MACROD2: variants seen among roughly 807,000 people sequenced by gnomAD.
The protein encoded by MACROD2 is mono-ADP ribosylhydrolase 2, also known as ADP-ribose glycohydrolase MACROD2.
Under a neutral mutation model 70.4 loss-of-function variants are expected in MACROD2, and 36 were observed. The observed-to-expected ratio is 0.51, with a 90% CI of 0.39 to 0.68. MACROD2 has a LOEUF of 0.68. Ranked by LOEUF, MACROD2 falls within the 30% of genes least tolerant of loss-of-function variation. MACROD2 has a pLI of 0.00. For missense variants in MACROD2, 496 were observed against 538.4 expected, an observed-to-expected ratio of 0.92 and a Z score of 0.78; for synonymous variants, 172 against 178.8, an observed-to-expected ratio of 0.96 and a Z score of 0.30.
At chr20:14,778,201 T>C (rs952200218) in intron 5 of MACROD2, among the ~76,000 whole-genome samples, 1 of 152,072 alleles carries the variant, frequency 6.6e-6, no homozygotes, top group Non-Finnish European at 1.5e-5. Flanking sequence ...AGAGAAGTAA[T>C]AGGGAAGTAG....
At chr20:14,145,386 C>A (rs2054931742) in intron 3 of MACROD2, among the ~76,000 whole-genome samples, 1 of 152,082 alleles carries the variant, frequency 6.6e-6, no homozygotes, top group African/African-American at 2.4e-5. Flanking sequence ...TGCCCCAGCC[C>A]ACAGTTGGAG....
chr20:15,663,781 T>C (rs955264298), intron 8 of MACROD2, among the ~76,000 whole-genome samples: 2 of 152,052 alleles, frequency 1.3e-5, no homozygotes, highest in African/African-American at 4.8e-5. Context: ...ACAGAACGAG[T>C]AGCATTTTCT....
At chr20:14,595,785 A>ACTT (rs1264630590) in intron 4 of MACROD2, among the ~76,000 whole-genome samples, 8 of 152,296 alleles carry the variant, frequency 5.3e-5, no homozygotes, top group Non-Finnish European at 8.8e-5. Context: ...CTGTTAAAAT[A>ACTT]CTGTTCTGTT....
chr20:15,541,436 C>T (rs1448952330), intron 8 of MACROD2, among the ~76,000 whole-genome samples: 1 of 152,112 alleles, frequency 6.6e-6, no homozygotes, highest in Non-Finnish European at 1.5e-5. Flanking sequence ...ATTTCAACAG[C>T]TTGGTATTCG....
intron 5 of MACROD2, among the ~76,000 whole-genome samples, chr20:15,135,095 C>T (rs2076136536): frequency 6.6e-6 from 1 of 151,802 alleles, no homozygotes; most frequent in Admixed American, 6.6e-5. Context: ...CAAAAAGAGT[C>T]CAGGACCAGA....
chr20:15,499,952 C>A lies in MACROD2; in HGVS notation c.645+105C>A. On this transcript the variant is annotated intron_variant, in intron 8 of 17. Transcript: ENST00000684519. The stretch of plus-strand genomic sequence containing the variant: ...TTTATAAATATCAACTACACCTAGT[C>A]ATTGAGCCAAACCTAGCTGACCATT... The A allele has an allele frequency of 2.4e-5, 25 of 1,042,100 alleles. No homozygotes were observed. In the South Asian group the frequency reaches 3.1e-4, roughly 13 times the overall value. The allele number at this position is 1,042,100 out of a possible 1,614,324, so 64.6% of individuals were successfully genotyped here.
chr20:15,559,252 A>AC (rs1407572652), intron 8 of MACROD2, among the ~76,000 whole-genome samples: 1 of 147,528 alleles, frequency 6.8e-6, no homozygotes, highest in Non-Finnish European at 1.5e-5. Flanking sequence ...AAAAAAAAAA[A>AC]GATTCTCAGG....
chr20:14,470,088 G>C (rs938009844), intron 3 of MACROD2, among the ~76,000 whole-genome samples: 7 of 152,072 alleles, frequency 4.6e-5, no homozygotes, highest in African/African-American at 1.4e-4. Flanking sequence ...GGTCTTTGCT[G>C]TTGGTGACCT....
chr20:15,216,588 A>G (rs1214233995), intron 5 of MACROD2, among the ~76,000 whole-genome samples: 1 of 152,220 alleles, frequency 6.6e-6, no homozygotes, highest in Non-Finnish European at 1.5e-5. Flanking sequence ...GAGTAGTATT[A>G]CGGAAGTCTC....
intron 8 of MACROD2, among the ~76,000 whole-genome samples, chr20:15,587,773 G>A (rs561468220): frequency 6.6e-6 from 1 of 152,340 alleles, no homozygotes; most frequent in Non-Finnish European, 1.5e-5. Context: ...GATGCAAGAG[G>A]TGGGTTCCCA....
intron 8 of MACROD2, among the ~76,000 whole-genome samples, chr20:15,850,263 C>T (rs939701306): frequency 6.6e-6 from 1 of 152,110 alleles, no homozygotes; most frequent in South Asian, 2.1e-4. Flanking sequence ...TCTGGGATCT[C>T]TCCCCCAAGG....
intron 3 of MACROD2, among the ~76,000 whole-genome samples, chr20:14,479,244 G>A (rs1416854506): frequency 1.3e-5 from 2 of 152,142 alleles, no homozygotes; most frequent in Non-Finnish European, 2.9e-5. Flanking sequence ...GTGTCCCTTG[G>A]TGTTGGAGAG....
At chr20:15,176,134 C>T (rs969181381) in intron 5 of MACROD2, among the ~76,000 whole-genome samples, 15 of 152,212 alleles carry the variant, frequency 9.9e-5, no homozygotes, top group African/African-American at 3.6e-4. Flanking sequence ...GCTGCCTTGG[C>T]CCCCTCTAGA....
At chr20:15,353,477 G>A (rs1278599618) in intron 6 of MACROD2, among the ~76,000 whole-genome samples, 4 of 151,932 alleles carry the variant, frequency 2.6e-5, no homozygotes, top group Non-Finnish European at 5.9e-5. Flanking sequence ...CAAAAGCAAT[G>A]GCAACAAAAG....
intron 8 of MACROD2, among the ~76,000 whole-genome samples, chr20:15,546,805 C>T (rs979200291): frequency 1.7e-4 from 26 of 152,276 alleles, no homozygotes; most frequent in African/African-American, 4.6e-4. Flanking sequence ...TACCACGTGA[C>T]GCTTGACATC....
At chr20:14,348,284 A>G (rs2083084688) in intron 3 of MACROD2, among the ~76,000 whole-genome samples, 1 of 145,042 alleles carries the variant, frequency 6.9e-6, no homozygotes. Flanking sequence ...AAAAAAAATA[A>G]ATAAAATAAA....
intron 3 of MACROD2, chr20:14,127,389 C>T (rs1412071786): frequency 1.4e-5 from 6 of 417,738 alleles, no homozygotes; most frequent in African/African-American, 4.2e-5. Flanking sequence ...CTCAGAACCC[C>T]TTTCCACTGC....
At chr20:14,823,076 C>T (rs999134031) in intron 5 of MACROD2, among the ~76,000 whole-genome samples, 8 of 152,030 alleles carry the variant, frequency 5.3e-5, no homozygotes, top group African/African-American at 1.9e-4. Flanking sequence ...CCCTGTTCAG[C>T]AGTTATAGAG....
At chr20:15,209,386 C>A (rs1357672778) in intron 5 of MACROD2, among the ~76,000 whole-genome samples, 1 of 151,896 alleles carries the variant, frequency 6.6e-6, no homozygotes, top group East Asian at 1.9e-4. Flanking sequence ...TAGTCCAGAG[C>A]TAGATATTTT....
Sources: gnomAD v4.1 joint callset for allele counts (sites outside exome capture counted in the v4.1 genomes callset) on GRCh38, gnomAD v4.1.1 for gene constraint, MANE v1.5 for transcripts, NCBI Gene and HGNC (gene_info 2026-07-23, HGNC 2026-07-21) for gene names.